Variants in PDZRN3 observed in about 807,000 individuals in gnomAD.
PDZRN3 encodes the protein PDZ domain containing ring finger 3, also known as E3 ubiquitin-protein ligase PDZRN3.
In PDZRN3, 38 loss-of-function variants were observed where a neutral mutation model predicts 85.7. That is an observed-to-expected ratio of 0.44 (90% CI 0.34 to 0.58). The LOEUF is 0.58. Among genes scored for constraint, PDZRN3 ranks in the 20% least tolerant of loss-of-function variants. PDZRN3 has a pLI of 0.01. For synonymous variants in PDZRN3, 759 were observed against 638.0 expected (o/e 1.19, Z -2.86); for missense variants, 1,629 against 1,506.4 (o/e 1.08, Z -1.35).
At chr3:73,498,458 G>A (rs529816963) in intron 3 of PDZRN3, among the ~76,000 whole-genome samples, 15 of 151,428 alleles carry the variant, frequency 9.9e-5, no homozygotes, top group Non-Finnish European at 2.1e-4. Flanking sequence ...TTTGAAAAAT[G>A]GTCGAGTACT....
chr3:73,447,415 A>G (rs1307519887), intron 3 of PDZRN3, among the ~76,000 whole-genome samples: 2 of 151,028 alleles, frequency 1.3e-5, no homozygotes, highest in African/African-American at 4.9e-5. Context: ...CAAATCTGCC[A>G]CTCCCCAGTC....
At chr3:73,519,864 G>A (rs1704323311) in intron 3 of PDZRN3, among the ~76,000 whole-genome samples, 1 of 152,184 alleles carries the variant, frequency 6.6e-6, no homozygotes, top group Non-Finnish European at 1.5e-5. Flanking sequence ...GGTGGGACAG[G>A]AGTCTAAGGC....
chr3:73,387,424 T>C (rs1230195323), intron 8 of PDZRN3, among the ~76,000 whole-genome samples: 1 of 152,234 alleles, frequency 6.6e-6, no homozygotes, highest in Non-Finnish European at 1.5e-5. Flanking sequence ...ATCACCCTCC[T>C]TCTGGGCCTT....
At chr3:73,430,567 A>G (rs963949951) in intron 3 of PDZRN3, among the ~76,000 whole-genome samples, 2 of 152,156 alleles carry the variant, frequency 1.3e-5, no homozygotes, top group Non-Finnish European at 2.9e-5. Flanking sequence ...GCATCCACAG[A>G]CTGGCTGTCC....
chr3:73,579,826 C>T (rs1477010934), intron 3 of PDZRN3, among the ~76,000 whole-genome samples: 4 of 151,822 alleles, frequency 2.6e-5, no homozygotes, highest in African/African-American at 9.7e-5. Flanking sequence ...TATGGAGTGT[C>T]TCTGTGTGTG....
At chr3:73,585,293 T>C (rs1223453721) in intron 3 of PDZRN3, among the ~76,000 whole-genome samples, 2 of 152,250 alleles carry the variant, frequency 1.3e-5, no homozygotes, top group African/African-American at 4.8e-5. Context: ...AAGATTTACA[T>C]TGGGTTCAGC....
At chr3:73,547,628 T>A (rs967615481) in intron 3 of PDZRN3, among the ~76,000 whole-genome samples, 1 of 152,222 alleles carries the variant, frequency 6.6e-6, no homozygotes, top group Non-Finnish European at 1.5e-5. Flanking sequence ...AATAACTACA[T>A]AGAGTCAAGT....
chr3:73,428,760 T>C (rs1445397129), intron 3 of PDZRN3, among the ~76,000 whole-genome samples: 1 of 152,094 alleles, frequency 6.6e-6, no homozygotes, highest in East Asian at 1.9e-4. Flanking sequence ...TTATAATCCA[T>C]TGTTAATTAA....
chr3:73,518,929 T>C (rs1311837036), intron 3 of PDZRN3, among the ~76,000 whole-genome samples: 16 of 152,162 alleles, frequency 1.1e-4, no homozygotes, highest in Admixed American at 1.0e-3. Flanking sequence ...CCATAGCACC[T>C]ATGTAGTGAG....
intron 3 of PDZRN3, among the ~76,000 whole-genome samples, chr3:73,520,671 C>T (rs1431578640): frequency 6.6e-6 from 1 of 152,050 alleles, no homozygotes; most frequent in Non-Finnish European, 1.5e-5. Flanking sequence ...CTCCCAGGTC[C>T]TACATTACAT....
At chr3:73,392,455 C>T (rs1022073544) in intron 5 of PDZRN3, among the ~76,000 whole-genome samples, 2 of 152,178 alleles carry the variant, frequency 1.3e-5, no homozygotes, top group East Asian at 1.9e-4. Flanking sequence ...GTTCAGATCC[C>T]AACTCTCCCT....
intron 2 of PDZRN3, among the ~76,000 whole-genome samples, chr3:73,607,592 T>G (rs1441713067): frequency 6.6e-6 from 1 of 152,284 alleles, no homozygotes; most frequent in African/African-American, 2.4e-5. Context: ...GTCCTTTAGG[T>G]TTCTGTTTAC....
At position 73,397,946 on chromosome 3, in the gene PDZRN3, G is replaced by A. The variant is rs549356792; in HGVS notation, c.1254+2976C>T. On this transcript the variant is annotated intron_variant, in intron 5 of 9. Coordinates refer to ENST00000263666, the MANE Select transcript of PDZRN3 (RefSeq NM_015009.3). ...AAGAAACGAAAAGCTAATGTCTAAT[G>A]GTCCTAATGGCTTGTGAGCTCCTTA... Among the ~76,000 whole-genome samples, 22 of 152,244 alleles carry A rather than the reference G, an allele frequency of 1.4e-4. No individual in the cohort carries two copies. In the South Asian group the frequency reaches 1.7e-3, roughly 11 times the overall value.
chr3:73,442,221 C>A (rs187174555), intron 3 of PDZRN3, among the ~76,000 whole-genome samples: 13 of 152,238 alleles, frequency 8.5e-5, no homozygotes, highest in African/African-American at 3.1e-4. Context: ...GGAGTCCAGG[C>A]AGGACAGATG....
intron 3 of PDZRN3, among the ~76,000 whole-genome samples, chr3:73,587,316 G>A (rs1480937398): frequency 6.6e-6 from 1 of 152,112 alleles, no homozygotes; most frequent in African/African-American, 2.4e-5. Flanking sequence ...ACTTACATTT[G>A]TGAGTGCTGC....
chr3:73,574,452 TGGGGTGGGG>T (rs1702088625), intron 3 of PDZRN3, among the ~76,000 whole-genome samples: 2 of 23,638 alleles, frequency 8.5e-5, no homozygotes, highest in African/African-American at 5.9e-4. Flanking sequence ...TTTTTTTGGC[TGGGGTGGGG>T]GGGGTGGGGA....
At chr3:73,535,717 C>G (rs1017349207) in intron 3 of PDZRN3, among the ~76,000 whole-genome samples, 1 of 152,202 alleles carries the variant, frequency 6.6e-6, no homozygotes, top group African/African-American at 2.4e-5. Flanking sequence ...TTATAACCTG[C>G]ATTTCCTAAA....
In PDZRN3 at chr3:73,573,965, T is replaced by C. The variant is rs143668498; in HGVS notation, c.918+28389A>G. On this transcript the variant is annotated intron_variant, in intron 3 of 9. Coordinates refer to ENST00000263666, the MANE Select transcript of PDZRN3 (RefSeq NM_015009.3). ...CCCATTCAAGATAAGCTGGCCAAGT[T>C]TGCCTTGCCATATATGCAAACTTCT... Among the ~76,000 whole-genome samples, 803 of 152,300 alleles carry C rather than the reference T, an allele frequency of 5.3e-3. 5 individuals are homozygous for C. Among genetic ancestry groups the C allele is most frequent in the Middle Eastern group, 0.014 (4 of 294 alleles).
intron 3 of PDZRN3, among the ~76,000 whole-genome samples, chr3:73,429,673 T>C (rs1454875219): frequency 1.3e-5 from 2 of 152,178 alleles, no homozygotes; most frequent in Non-Finnish European, 2.9e-5. Flanking sequence ...AGGTCACAGT[T>C]AGTGGTAAAG....
Sources: gnomAD v4.1 joint callset for allele counts (sites outside exome capture counted in the v4.1 genomes callset) on GRCh38, gnomAD v4.1.1 for gene constraint, MANE v1.5 for transcripts, NCBI Gene and HGNC (gene_info 2026-07-23, HGNC 2026-07-21) for gene names.